The following TBC1D22A variants were observed in gnomAD, a reference collection of about 807,000 sequenced individuals.
TBC1D22A encodes the protein TBC1 domain family member 22A, also known as putative GTPase activator.
A neutral mutation model predicts 60.2 loss-of-function variants in TBC1D22A; 38 were observed. The ratio of observed to expected loss-of-function variants is 0.63; its 90% CI spans 0.49 to 0.83. The LOEUF is 0.83. TBC1D22A is among the 40% of genes least tolerant of loss of function. TBC1D22A has a pLI of 0.00. For synonymous variants in TBC1D22A, 302 were observed against 281.7 expected (o/e 1.07, Z -0.72); for missense variants, 628 against 701.0 (o/e 0.90, Z 1.18).
At chr22:47,133,743 G>C (rs772714073) in intron 12 of TBC1D22A, among the ~76,000 whole-genome samples, 1 of 152,206 alleles carries the variant, frequency 6.6e-6, no homozygotes, top group Non-Finnish European at 1.5e-5. Context: ...GGTGACACTT[G>C]TGGTGTGGCC....
At chr22:47,138,095 G>A (rs1040410073) in intron 12 of TBC1D22A, among the ~76,000 whole-genome samples, 6 of 152,152 alleles carry the variant, frequency 3.9e-5, no homozygotes, top group Non-Finnish European at 7.4e-5. Flanking sequence ...CAGAGGCTCC[G>A]GCACTCATGG....
chr22:47,117,120 C>T (rs1322118020), intron 12 of TBC1D22A: 1 of 154,888 alleles, frequency 6.5e-6, no homozygotes, highest in African/African-American at 2.4e-5. Context: ...ACAGCCTGCT[C>T]TGCAATGTGA....
chr22:46,878,326 A>AGAGAGAAGGAGGTGGGAGGGAGG (rs1555921957), intron 4 of TBC1D22A, among the ~76,000 whole-genome samples: 1 of 7,232 alleles, frequency 1.4e-4, no homozygotes, highest in Admixed American at 1.8e-3. Flanking sequence ...TGGGAGGGAG[A>AGAGAGAAGGAGGTGGGAGGGAGG]GAGAGAAGGA....
chr22:46,804,224 C>T (rs946439490), intron 4 of TBC1D22A, among the ~76,000 whole-genome samples: 4 of 152,214 alleles, frequency 2.6e-5, no homozygotes, highest in African/African-American at 7.2e-5. Flanking sequence ...CCCTTTTTGC[C>T]CGTGTGTTCC....
At chr22:46,899,603 A>G (rs1185301977) in intron 7 of TBC1D22A, among the ~76,000 whole-genome samples, 2 of 152,252 alleles carry the variant, frequency 1.3e-5, no homozygotes, top group Admixed American at 6.5e-5. Context: ...TACTATCTCC[A>G]GTACGAGGTC....
intron 4 of TBC1D22A, among the ~76,000 whole-genome samples, chr22:46,801,301 C>G (rs1342763976): frequency 6.6e-6 from 1 of 152,186 alleles, no homozygotes; most frequent in African/African-American, 2.4e-5. Context: ...GTGGAATGTA[C>G]TTTCTTCACA....
intron 8 of TBC1D22A, among the ~76,000 whole-genome samples, chr22:46,949,621 A>G (rs1402713401): frequency 1.3e-5 from 2 of 152,238 alleles, no homozygotes; most frequent in Non-Finnish European, 2.9e-5. Flanking sequence ...TAGCAAATTT[A>G]TATCATTTCA....
In TBC1D22A at chr22:46,990,775, T is replaced by G. The variant is rs1165361699; in HGVS notation, c.1126-6859T>G. Among the ~76,000 whole-genome samples the G allele has an allele frequency of 1.3e-5, 2 of 152,186 alleles. No individual in the cohort carries two copies. Among genetic ancestry groups the G allele is most frequent in the African/African-American group, 4.8e-5 (2 of 41,444 alleles). The stretch of plus-strand genomic sequence containing the variant: ...TCCCACTGCTCCTGCTGCGGTGGCT[T>G]CTCTCCCCGTTGGCTTGCTGGCTGT... On this transcript the variant is annotated intron_variant, in intron 9 of 12. Transcript: ENST00000337137. The surrounding 1 kb of genome is among the most constrained non-coding windows in gnomAD (Gnocchi z 4.6).
chr22:47,093,179 AGGCGGTGC>A, intron 11 of TBC1D22A, among the ~76,000 whole-genome samples: 1 of 152,282 alleles, frequency 6.6e-6, no homozygotes, highest in South Asian at 2.1e-4. Context: ...AGGCGTGTGC[AGGCGGTGC>A]GGTACTTGTG....
rs1447712900 is a variant in TBC1D22A, at chr22:46,762,840, C to T, written c.54C>T (p.Leu18=). The change falls in exon 1 of 13, where the codon CTC becomes CTT. Residue 18 remains leucine, a synonymous_variant. Coordinates refer to ENST00000337137, the MANE Select transcript of TBC1D22A (RefSeq NM_014346.5). Reference sequence around the variant, plus strand: ...TCTGGAAGCGCAGCAACAGCAAGCTCCCGGGCAGGTGGGTGTGCCGCGGAG... The same window carrying T: ...TCTGGAAGCGCAGCAACAGCAAGCTTCCGGGCAGGTGGGTGTGCCGCGGAG... The part of the protein sequence containing the change: ...KQFWKRSNSK[L]PGSIQHVYGA... The T allele has an allele frequency of 6.8e-7, 1 of 1,465,278 alleles. No individual in the cohort carries two copies. Among genetic ancestry groups the T allele is most frequent in the Admixed American group, 3.2e-5 (1 of 31,654 alleles). 90.8% of individuals were successfully genotyped at this position (1,465,278 alleles called of 1,614,324 possible).
chr22:47,017,686 G>C (rs2061954165), intron 10 of TBC1D22A, among the ~76,000 whole-genome samples: 1 of 152,200 alleles, frequency 6.6e-6, no homozygotes, highest in Non-Finnish European at 1.5e-5. Flanking sequence ...TACGAGAAGT[G>C]AGAATTTTTC....
At chr22:47,084,102 C>T (rs962675252) in intron 11 of TBC1D22A, among the ~76,000 whole-genome samples, 2 of 152,238 alleles carry the variant, frequency 1.3e-5, no homozygotes, top group African/African-American at 4.8e-5. Flanking sequence ...TCCAGGTATT[C>T]CACACTTAAG....
At chr22:46,940,872 C>A (rs2071973775) in intron 8 of TBC1D22A, among the ~76,000 whole-genome samples, 1 of 134,174 alleles carries the variant, frequency 7.5e-6, no homozygotes. Flanking sequence ...CACACACAGT[C>A]CACCCTTGAA....
At chr22:47,135,821 A>C (rs2066845869) in intron 12 of TBC1D22A, among the ~76,000 whole-genome samples, 1 of 152,146 alleles carries the variant, frequency 6.6e-6, no homozygotes. Context: ...TTCACTGAGC[A>C]CGCGCCACGT....
chr22:47,100,590 C>G (rs1422527106), intron 11 of TBC1D22A, among the ~76,000 whole-genome samples: 1 of 152,154 alleles, frequency 6.6e-6, no homozygotes, highest in Non-Finnish European at 1.5e-5. Flanking sequence ...CTCCTGAGAT[C>G]CGATGGTTTT....
intron 10 of TBC1D22A, among the ~76,000 whole-genome samples, chr22:47,027,861 C>G (rs543755613): frequency 6.6e-6 from 1 of 152,208 alleles, no homozygotes; most frequent in African/African-American, 2.4e-5. Flanking sequence ...TAGGGCCAGG[C>G]CTGCCTTCTG....
chr22:47,086,412 G>A (rs1033167175), intron 11 of TBC1D22A, among the ~76,000 whole-genome samples: 6 of 152,146 alleles, frequency 3.9e-5, no homozygotes, highest in African/African-American at 9.7e-5. Flanking sequence ...CTGAGATCGC[G>A]CCATTGCACT....
At chr22:47,106,993 G>GT (rs1359020473) in intron 11 of TBC1D22A, among the ~76,000 whole-genome samples, 2 of 152,170 alleles carry the variant, frequency 1.3e-5, no homozygotes, top group African/African-American at 4.8e-5. Context: ...GAAACCATGA[G>GT]TACATAGCTA....
intron 4 of TBC1D22A, among the ~76,000 whole-genome samples, chr22:46,853,565 G>A (rs1386070341): frequency 5.3e-5 from 8 of 152,206 alleles, no homozygotes; most frequent in Admixed American, 3.3e-4. Context: ...GAGGGATGAC[G>A]TGAGATACGG....
Sources: allele counts gnomAD v4.1 joint callset (sites outside exome capture counted in the v4.1 genomes callset), GRCh38; gene constraint gnomAD v4.1.1; non-coding constraint Gnocchi (gnomAD v3.1); transcripts MANE v1.5; gene names NCBI Gene and HGNC (gene_info 2026-07-23, HGNC 2026-07-21).